The following MPRIP variants were observed in gnomAD, a reference collection of about 807,000 sequenced individuals.
MPRIP encodes the protein myosin phosphatase Rho-interacting protein.
Under a neutral mutation model 234.9 loss-of-function variants are expected in MPRIP, and 59 were observed. That is an observed-to-expected ratio of 0.25 (90% CI 0.20 to 0.31). MPRIP has a LOEUF of 0.31. MPRIP is among the 10% of genes least tolerant of loss of function. MPRIP has a pLI of 1.00. For missense variants in MPRIP, 2,436 were observed against 3,071.0 expected, an observed-to-expected ratio of 0.79 and a Z score of 4.89; for synonymous variants, 1,144 against 1,263.9, an observed-to-expected ratio of 0.91 and a Z score of 2.01.
chr17:17,142,266 A>C (rs1355071933), intron 7 of MPRIP: 3 of 216,750 alleles, frequency 1.4e-5, no homozygotes, highest in African/African-American at 2.3e-5. Flanking sequence ...TCCATGAGGG[A>C]TGCAATGAGA....
chr17:17,180,207 C>A, intron 23 of MPRIP, 119 bp downstream of exon 23: 1 of 864,524 alleles, frequency 1.2e-6, no homozygotes, highest in Non-Finnish European at 1.8e-6. Context: ...GGGCCCAGCA[C>A]TGAGCCAGCC....
At chr17:17,115,711 G>T (rs926465279) in intron 3 of MPRIP, among the ~76,000 whole-genome samples, 2 of 152,076 alleles carry the variant, frequency 1.3e-5, no homozygotes, top group Admixed American at 1.3e-4. Flanking sequence ...CATCTTTATC[G>T]ATTGGCCTGT....
At chr17:17,058,381 C>T (rs1567686188) in intron 1 of MPRIP, among the ~76,000 whole-genome samples, 5 of 147,318 alleles carry the variant, frequency 3.4e-5, no homozygotes, top group Admixed American at 2.0e-4. Context: ...GTAGGGACCC[C>T]GGGAGGGGAG....
At chr17:17,099,120 T>C (rs372875870) in intron 3 of MPRIP, among the ~76,000 whole-genome samples, 139 of 152,222 alleles carry the variant, frequency 9.1e-4, no homozygotes, top group African/African-American at 3.3e-3. Flanking sequence ...AACCCAAAAA[T>C]AGCCATGTCA....
intron 9 of MPRIP, among the ~76,000 whole-genome samples, chr17:17,144,740 C>G (rs551436055): frequency 6.6e-6 from 1 of 152,310 alleles, no homozygotes; most frequent in East Asian, 1.9e-4. Flanking sequence ...CCTGTAGTCC[C>G]AGCTATTTGA....
At chr17:17,049,531 T>A (rs1309519682) in intron 1 of MPRIP, among the ~76,000 whole-genome samples, 2 of 152,218 alleles carry the variant, frequency 1.3e-5, no homozygotes, top group Non-Finnish European at 2.9e-5. Flanking sequence ...CAATTTTTTT[T>A]ATAAAGGACT....
chr17:17,053,036 C>G (rs2088589039), intron 1 of MPRIP, among the ~76,000 whole-genome samples: 1 of 152,024 alleles, frequency 6.6e-6, no homozygotes, highest in Non-Finnish European at 1.5e-5. Flanking sequence ...TCCTGGGTCT[C>G]CTGATGCCAT....
chr17:17,180,519 A>G lies in MPRIP; in HGVS notation c.7206+431A>G. The G allele has an allele frequency of 4.2e-6, 5 of 1,202,258 alleles. No individual in the cohort carries two copies. The Admixed American group carries it at 6.7e-5, about 16-fold the overall frequency. 74.5% of individuals were successfully genotyped at this position (1,202,258 alleles called of 1,614,324 possible). On this transcript the variant is annotated intron_variant, in intron 23 of 23. Coordinates refer to ENST00000651222, the MANE Select transcript of MPRIP (RefSeq NM_001364716.4). ...TTTAGTGTGCTGTCCAGAGCCAGCCATGCACAGGAGGGCGGGCGGAGGTGG... is the reference window on the plus strand; with the variant it reads ...TTTAGTGTGCTGTCCAGAGCCAGCCGTGCACAGGAGGGCGGGCGGAGGTGG...
intron 21 of MPRIP, among the ~76,000 whole-genome samples, 174 bp from the exon 22 acceptor site, chr17:17,177,076 C>T (rs935506943): frequency 3.3e-5 from 5 of 152,192 alleles, no homozygotes; most frequent in Admixed American, 6.5e-5. Context: ...CCTTAGGCCC[C>T]GTGGTTTTTC....
At chr17:17,148,693 C>T (rs188665565) in intron 11 of MPRIP, among the ~76,000 whole-genome samples, 42 of 152,274 alleles carry the variant, frequency 2.8e-4, no homozygotes, top group African/African-American at 1.0e-3. Flanking sequence ...GATTGAGTTG[C>T]CAGCTGAACT....
chr17:17,135,685 C>G (rs989488521), intron 5 of MPRIP, among the ~76,000 whole-genome samples: 1 of 152,154 alleles, frequency 6.6e-6, no homozygotes, highest in Non-Finnish European at 1.5e-5. Context: ...CATGAGGGCT[C>G]CACTCTCATG....
intron 5 of MPRIP, among the ~76,000 whole-genome samples, chr17:17,134,803 C>T (rs746448989): frequency 2.6e-5 from 4 of 152,194 alleles, no homozygotes; most frequent in South Asian, 4.1e-4. Context: ...TCAGCGCCTG[C>T]GGCCTCCCTT....
chr17:17,078,568 G>T lies in MPRIP; in HGVS notation c.267+492G>T, dbSNP rs879604412. Reference sequence around the variant, plus strand: ...TCCGAGCTGACTTCAGAGGCCTCCTGGTCACAAGGTCATCGTTCTTCTGGT... The same window carrying T: ...TCCGAGCTGACTTCAGAGGCCTCCTTGTCACAAGGTCATCGTTCTTCTGGT... On this transcript the variant is annotated intron_variant, in intron 3 of 23. Transcript: ENST00000651222. This position sits in a 1 kb window ranked among gnomAD's most constrained non-coding sequence, Gnocchi z 4.3. Among the ~76,000 whole-genome samples the T allele has an allele frequency of 3.3e-5, 5 of 152,282 alleles. No individual in the cohort carries two copies. The highest frequency in any genetic ancestry group is 3.3e-4 in the Admixed American group (5 of 15,312).
chr17:17,160,106 C>T (rs779827926), intron 14 of MPRIP, among the ~76,000 whole-genome samples: 3 of 152,070 alleles, frequency 2.0e-5, no homozygotes, highest in Non-Finnish European at 4.4e-5. Context: ...TGGTGGCTCA[C>T]GCCTGTAATC....
intron 3 of MPRIP, among the ~76,000 whole-genome samples, chr17:17,122,217 G>A (rs1478106746): frequency 1.3e-5 from 2 of 152,184 alleles, no homozygotes; most frequent in African/African-American, 2.4e-5. Flanking sequence ...TTAGGTCTTT[G>A]AGGAATTGCC....
At chr17:17,157,784 C>T (rs1178178958) in intron 13 of MPRIP, among the ~76,000 whole-genome samples, 2 of 151,340 alleles carry the variant, frequency 1.3e-5, no homozygotes, top group African/African-American at 2.4e-5. Context: ...GCCGAGATCG[C>T]GCCATTGCAC....
At chr17:17,159,856 G>T (rs1056569002) in intron 14 of MPRIP, among the ~76,000 whole-genome samples, 3 of 152,224 alleles carry the variant, frequency 2.0e-5, no homozygotes, top group African/African-American at 7.2e-5. Flanking sequence ...TATGCCTCAA[G>T]CTTCTCATCT....
At chr17:17,075,899 A>C in intron 2 of MPRIP, 112 bp downstream of exon 2, 1 of 960,008 alleles carries the variant, frequency 1.0e-6, no homozygotes. Flanking sequence ...ATCCTGGGAT[A>C]GCAGGACCAG....
rs1393906200 is a variant in MPRIP, at chr17:17,191,255, C to T, written c.*6361C>T. 1.3e-5 allele frequency: 2 copies of T among 152,204 alleles called. No individual in the cohort carries two copies. The highest frequency in any genetic ancestry group is 3.9e-4 in the East Asian group (2 of 5,194). The allele number at this position is 152,204 out of a possible 1,614,324, so 9.4% of individuals were successfully genotyped here. On this transcript the variant is annotated 3_prime_UTR_variant, in exon 24 of 24. Transcript: ENST00000651222. The stretch of plus-strand genomic sequence containing the variant: ...AAATGATGGTGCCATCTTGACCAGA[C>T]TTCTGCACAGTAATTTAACGCTATC...
Sources: allele counts gnomAD v4.1 joint callset (sites outside exome capture counted in the v4.1 genomes callset), GRCh38; gene constraint gnomAD v4.1.1; non-coding constraint Gnocchi (gnomAD v3.1); transcripts MANE v1.5; gene names NCBI Gene and HGNC (gene_info 2026-07-23, HGNC 2026-07-21).